The following CAMK2G variants were observed in gnomAD, a reference collection of about 807,000 sequenced individuals.
The protein encoded by CAMK2G is calcium/calmodulin-dependent protein kinase type II subunit gamma.
CAMK2G carries 23 observed loss-of-function variants against 88.7 expected under a neutral mutation model. The ratio of observed to expected loss-of-function variants is 0.26; its 90% CI spans 0.19 to 0.37. The LOEUF is 0.37. CAMK2G is among the 10% of genes least tolerant of loss of function. CAMK2G has a pLI of 1.00. For missense variants in CAMK2G, 476 were observed against 780.8 expected, an observed-to-expected ratio of 0.61 and a Z score of 4.65; for synonymous variants, 263 against 294.8, an observed-to-expected ratio of 0.89 and a Z score of 1.11.
chr10:73,853,130 G>A (rs1565425016), intron 4 of CAMK2G, 62 bp downstream of exon 4: 1 of 1,501,284 alleles, frequency 6.7e-7, no homozygotes, highest in East Asian at 2.3e-5. Flanking sequence ...GCCTCTTCCT[G>A]AGCCTTCATT....
chr10:73,862,878 C>G (rs113326611), intron 2 of CAMK2G, among the ~76,000 whole-genome samples: 1 of 152,200 alleles, frequency 6.6e-6, no homozygotes, highest in Admixed American at 6.5e-5. Flanking sequence ...TTCTGTAAAT[C>G]TTCCCACAGC....
intron 2 of CAMK2G, among the ~76,000 whole-genome samples, chr10:73,864,910 C>T (rs2095529283): frequency 6.6e-6 from 1 of 152,182 alleles, no homozygotes; most frequent in Admixed American, 6.5e-5. Flanking sequence ...TCCCAAAGTG[C>T]TGGGATTACA....
At chr10:73,850,326 T>C (rs1026841779) in intron 5 of CAMK2G, among the ~76,000 whole-genome samples, 10 of 152,248 alleles carry the variant, frequency 6.6e-5, no homozygotes, top group Admixed American at 2.6e-4. Context: ...ACTGTCCACA[T>C]AGCAAACCAT....
At chr10:73,874,288 C>T (rs1464768485) in intron 1 of CAMK2G, 109 bp downstream of exon 1, 5 of 525,904 alleles carry the variant, frequency 9.5e-6, no homozygotes, top group African/African-American at 7.7e-5. Flanking sequence ...GGGGGTGGGG[C>T]GGCCGAGGGG....
chr10:73,844,489 C>A (rs2094074924), intron 10 of CAMK2G, among the ~76,000 whole-genome samples: 1 of 152,184 alleles, frequency 6.6e-6, no homozygotes, highest in Admixed American at 6.5e-5. Flanking sequence ...CTCACTGCAA[C>A]CTCCACCTCC....
At chr10:73,852,469 G>C (rs766865829) in intron 4 of CAMK2G, 150 bp from the exon 5 acceptor site, 3 of 648,426 alleles carry the variant, frequency 4.6e-6, no homozygotes, top group Admixed American at 4.9e-5. Flanking sequence ...GAACACACTC[G>C]ATCCTTCAGT....
chr10:73,832,957 TC>T (rs2092676601), intron 14 of CAMK2G, among the ~76,000 whole-genome samples: 1 of 137,620 alleles, frequency 7.3e-6, no homozygotes. Flanking sequence ...ATCTTTTTTT[TC>T]TTCTCTCTCT....
intron 10 of CAMK2G, among the ~76,000 whole-genome samples, chr10:73,845,576 CAA>C (rs987303671): frequency 1.9e-4 from 19 of 100,252 alleles, no homozygotes; most frequent in Admixed American, 5.5e-4. Flanking sequence ...GACTCCATCT[CAA>C]AAAAAAAAAA....
chr10:73,840,210 C>T (rs1280811343), intron 12 of CAMK2G, among the ~76,000 whole-genome samples: 3 of 152,166 alleles, frequency 2.0e-5, no homozygotes, highest in Non-Finnish European at 4.4e-5. Context: ...GCAGCATTCT[C>T]AGTCTGTGTG....
intron 14 of CAMK2G, among the ~76,000 whole-genome samples, chr10:73,832,701 A>G (rs936506314): frequency 6.6e-6 from 1 of 152,244 alleles, no homozygotes; most frequent in Non-Finnish European, 1.5e-5. Context: ...ATGAAAATTA[A>G]TAACTTTTGA....
Position 73,842,330 on chromosome 10 carries a change from C to A in CAMK2G, c.904-119G>T. 1 of 1,150,220 alleles carries A rather than the reference C, an allele frequency of 8.7e-7. No individual in the cohort carries two copies. The highest frequency in any genetic ancestry group is 1.2e-5 in the South Asian group (1 of 81,328). 71.3% of individuals were successfully genotyped at this position (1,150,220 alleles called of 1,614,324 possible). A position where few individuals can be genotyped will look rare whatever the true frequency, so the allele number is the denominator to read the frequency against. ...ACATCAGGCCTCTGGGCCCCCTCCC[C>A]TGTGACATGTACAACCTTCAGAGCC... On this transcript the variant is annotated intron_variant, in intron 11 of 22. Transcript: ENST00000423381. The surrounding 1 kb of genome is among the most constrained non-coding windows in gnomAD (Gnocchi z 4.6).
At chr10:73,860,738 G>T in intron 3 of CAMK2G, 92 bp downstream of exon 3, 1 of 926,302 alleles carries the variant, frequency 1.1e-6, no homozygotes, top group Non-Finnish European at 1.8e-6. Flanking sequence ...AAGGTCCACA[G>T]ACAGAGGTGA....
chr10:73,874,443 A>G lies in CAMK2G; in HGVS notation c.19T>C (p.Cys7Arg). The G allele has an allele frequency of 6.6e-7, 1 of 1,520,376 alleles. No individual in the cohort carries two copies. Among genetic ancestry groups the G allele is most frequent in the South Asian group, 1.2e-5 (1 of 82,920 alleles). The allele number at this position is 1,520,376 out of a possible 1,614,324, so 94.2% of individuals were successfully genotyped here. A position where few individuals can be genotyped will look rare whatever the true frequency, so the allele number is the denominator to read the frequency against. Reference protein sequence around the residue: MATTATCTRFTDDYQLF... With the variant: MATTATRTRFTDDYQLF... ...TGGTAGTCGTCGGTGAAACGGGTGC[A>G]GGTGGCGGTGGTGGCCATGCTGGCG... Residue 7 changes from cysteine (C) to arginine (R), a missense_variant, in exon 1 of 23, where the codon TGC becomes CGC. By Grantham distance (180) the Cys-to-Arg change is radical. Coordinates refer to ENST00000423381, the MANE Select transcript of CAMK2G (RefSeq NM_001367534.1).
At chr10:73,816,891 T>C (rs1328227606) in intron 21 of CAMK2G, 132 bp downstream of exon 21, 1 of 1,608,902 alleles carries the variant, frequency 6.2e-7, no homozygotes, top group African/African-American at 1.3e-5. Context: ...GGGACAAGCA[T>C]ACAGAGTAGG....
In CAMK2G at chr10:73,848,458, C is replaced by T. The variant is rs916472208; in HGVS notation, c.601+68G>A. On this transcript the variant is annotated intron_variant, in intron 8 of 22. Transcript: ENST00000423381. The surrounding 1 kb of genome is among the most constrained non-coding windows in gnomAD (Gnocchi z 4.5). ...TGACCTGCAAGGAATAGCGATGCCTCTTTCTTGCCATCATCGGAAGTTGAG... is the reference window on the plus strand; with the variant it reads ...TGACCTGCAAGGAATAGCGATGCCTTTTTCTTGCCATCATCGGAAGTTGAG... The T allele has an allele frequency of 3.9e-6, 4 of 1,020,146 alleles. No individual in the cohort carries two copies. The highest frequency in any genetic ancestry group is 6.2e-6 in the Non-Finnish European group (4 of 648,428). The allele number at this position is 1,020,146 out of a possible 1,614,324, so 63.2% of individuals were successfully genotyped here.
chr10:73,874,065 A>T (rs1427042778), intron 1 of CAMK2G, among the ~76,000 whole-genome samples: 2 of 125,496 alleles, frequency 1.6e-5, no homozygotes, highest in Non-Finnish European at 3.3e-5. Flanking sequence ...GTGCGGAGTG[A>T]GCAACCGGGC....
chr10:73,848,094 A>AAC lies in CAMK2G; in HGVS notation c.602-14_602-13dup, dbSNP rs2094377082. 2 of 1,506,616 alleles carry AAC rather than the reference A, an allele frequency of 1.3e-6. No homozygotes were observed. The highest frequency in any genetic ancestry group is 2.7e-5 in the African/African-American group (2 of 72,818). The allele number at this position is 1,506,616 out of a possible 1,614,324, so 93.3% of individuals were successfully genotyped here. A position where few individuals can be genotyped will look rare whatever the true frequency, so the allele number is the denominator to read the frequency against. On this transcript the variant is annotated splice_polypyrimidine_tract_variant and intron_variant, in intron 8 of 22. Transcript: ENST00000423381. This position sits in a 1 kb window ranked among gnomAD's most constrained non-coding sequence, Gnocchi z 4.5. ...ATACAGGATGACCCCTACGAGACAG[A>AAC]ACACACAGGTCATGGGGGTCAGTCG...
intron 2 of CAMK2G, among the ~76,000 whole-genome samples, chr10:73,862,440 G>A (rs147812006): frequency 3.9e-4 from 60 of 152,044 alleles, no homozygotes; most frequent in African/African-American, 1.4e-3. Flanking sequence ...TGTAAACAGG[G>A]GCTTAATAAG....
rs2133405181 is a variant in CAMK2G at position 73,821,840 on chromosome 10, TGTG to T, written c.1201-113_1201-111del. 3.5e-6 allele frequency: 3 copies of T among 867,586 alleles called. No homozygotes were observed. In the East Asian group the frequency reaches 7.9e-5, roughly 23 times the overall value. The allele number at this position is 867,586 out of a possible 1,614,324, so 53.7% of individuals were successfully genotyped here. A position where few individuals can be genotyped will look rare whatever the true frequency, so the allele number is the denominator to read the frequency against. ...TCCTACAAGAGGTGCAAGGAGGAAT[TGTG>T]GAAGGTTCTGCTTCCACCCTGGCTG... On this transcript the variant is annotated intron_variant, in intron 17 of 22. Coordinates refer to ENST00000423381, the MANE Select transcript of CAMK2G (RefSeq NM_001367534.1).
Sources: allele counts gnomAD v4.1 joint callset (sites outside exome capture counted in the v4.1 genomes callset), GRCh38; gene constraint gnomAD v4.1.1; non-coding constraint Gnocchi (gnomAD v3.1); transcripts MANE v1.5; gene names NCBI Gene and HGNC (gene_info 2026-07-23, HGNC 2026-07-21).